Variants in FKBP6 observed in about 807,000 individuals in gnomAD.
FKBP6 encodes the protein FKBP prolyl isomerase family member 6 (inactive), also known as inactive peptidyl-prolyl cis-trans isomerase FKBP6.
FKBP6 carries 29 observed loss-of-function variants against 41.7 expected under a neutral mutation model. The observed-to-expected ratio is 0.70, with a 90% CI of 0.52 to 0.95. The LOEUF (loss-of-function observed/expected upper bound fraction) is 0.95, where lower values mean the gene tolerates loss of function less well. Among genes scored for constraint, FKBP6 ranks in the 40% least tolerant of loss-of-function variants. FKBP6 has a pLI of 0.00. For missense variants in FKBP6, 338 were observed against 408.7 expected, an observed-to-expected ratio of 0.83 and a Z score of 1.49; for synonymous variants, 130 against 165.1, an observed-to-expected ratio of 0.79 and a Z score of 1.63.
chr7:73,356,789 TC>T (rs1251622059), intron 8 of FKBP6, among the ~76,000 whole-genome samples: 20 of 152,150 alleles, frequency 1.3e-4, no homozygotes, highest in African/African-American at 4.6e-4. Context: ...CTTTTTTGTT[TC>T]CCCTCACAAG....
chr7:73,329,909 C>T, intron 3 of FKBP6: 1 of 590,874 alleles, frequency 1.7e-6, no homozygotes, highest in Admixed American at 2.8e-5. Flanking sequence ...TTAATTCTAG[C>T]TGGGAGGTTC....
chr7:73,349,872 T>C (rs758402115), intron 8 of FKBP6, among the ~76,000 whole-genome samples: 18 of 152,170 alleles, frequency 1.2e-4, no homozygotes, highest in Non-Finnish European at 2.5e-4. Flanking sequence ...TGGTTGGCCA[T>C]TGGTGATTGC....
intron 8 of FKBP6, among the ~76,000 whole-genome samples, chr7:73,351,402 G>A (rs1251786284): frequency 1.3e-5 from 2 of 151,506 alleles, no homozygotes; most frequent in Non-Finnish European, 2.9e-5. Flanking sequence ...TCTAAATGGC[G>A]TTGCATCTTC....
In FKBP6 at chr7:73,331,334, CAG is replaced by C. The variant is rs1425593978; in HGVS notation, c.469-322_469-321del. Among the ~76,000 whole-genome samples, 17 of 152,308 alleles carry C rather than the reference CAG, an allele frequency of 1.1e-4. 2 individuals are homozygous for C. Among genetic ancestry groups the C allele is most frequent in the Admixed American group, 1.1e-3 (17 of 15,290 alleles). ...GGGACACTGCTTCCTCAGAGAACAT[CAG>C]GGGAAGACTGAAGACGTAGACTTCC... On this transcript the variant is annotated intron_variant, in intron 4 of 8. Transcript: ENST00000252037.
At chr7:73,348,258 A>T (rs2115941804) in intron 8 of FKBP6, among the ~76,000 whole-genome samples, 1 of 152,076 alleles carries the variant, frequency 6.6e-6, no homozygotes, top group East Asian at 1.9e-4. Flanking sequence ...TGAATCTAAG[A>T]GCTCTTCTCA....
At chr7:73,354,137 C>T (rs1805565029) in intron 8 of FKBP6, among the ~76,000 whole-genome samples, 1 of 152,178 alleles carries the variant, frequency 6.6e-6, no homozygotes, top group Non-Finnish European at 1.5e-5. Context: ...TGAGGCCTGG[C>T]CCACCCCCAA....
At chr7:73,332,194 T>A (rs1554547819) in intron 5 of FKBP6, among the ~76,000 whole-genome samples, 3 of 152,084 alleles carry the variant, frequency 2.0e-5, no homozygotes, top group Non-Finnish European at 4.4e-5. Context: ...TTCTCCCTAC[T>A]TTCTATGAGC....
chr7:73,337,719 G>A (rs1554548782), intron 5 of FKBP6, among the ~76,000 whole-genome samples: 1 of 151,624 alleles, frequency 6.6e-6, no homozygotes, highest in Non-Finnish European at 1.5e-5. Flanking sequence ...TCTTGTTGTT[G>A]AGATATGATT....
At chr7:73,340,096 A>G (rs1290811691) in intron 5 of FKBP6, among the ~76,000 whole-genome samples, 1 of 151,908 alleles carries the variant, frequency 6.6e-6, no homozygotes. Flanking sequence ...TTCAACAACC[A>G]TTTTGTAGTT....
chr7:73,342,984 C>A, intron 8 of FKBP6, 85 bp downstream of exon 8: 2 of 942,526 alleles, frequency 2.1e-6, no homozygotes, highest in South Asian at 1.3e-5. Flanking sequence ...TGGTGGCTGT[C>A]TGCAGCTGAG....
At chr7:73,339,637 G>T (rs1805112759) in intron 5 of FKBP6, among the ~76,000 whole-genome samples, 2 of 138,874 alleles carry the variant, frequency 1.4e-5, no homozygotes, top group Admixed American at 7.3e-5. Flanking sequence ...TTTTTGAGGT[G>T]GAGTCTTGCA....
intron 8 of FKBP6, among the ~76,000 whole-genome samples, chr7:73,350,957 C>T (rs959638512): frequency 2.6e-5 from 4 of 152,208 alleles, no homozygotes; most frequent in African/African-American, 9.6e-5. Flanking sequence ...TGTTTGATCC[C>T]CTTCTTCCCA....
rs1378206961 is a variant in FKBP6 at position 73,328,209 on chromosome 7, C to T, written c.-220C>T. 7.7e-6 allele frequency: 12 copies of T among 1,548,904 alleles called. No individual in the cohort carries two copies. Among genetic ancestry groups the T allele is most frequent in the East Asian group, 4.9e-5 (2 of 40,908 alleles). Reference sequence around the variant, plus strand: ...ACGGATCATACCTCGCACCTCACCGCGTGGCCTCTGTAGTTCCAGAGCTCG... The same window carrying T: ...ACGGATCATACCTCGCACCTCACCGTGTGGCCTCTGTAGTTCCAGAGCTCG... On this transcript the variant is annotated 5_prime_UTR_variant, in exon 1 of 9. Transcript: ENST00000252037.
At chr7:73,351,579 A>C (rs1805491711) in intron 8 of FKBP6, among the ~76,000 whole-genome samples, 1 of 152,098 alleles carries the variant, frequency 6.6e-6, no homozygotes, top group Admixed American at 6.6e-5. Flanking sequence ...TTGTGTGGCT[A>C]TAAATACCTC....
chr7:73,328,286 C>T lies in FKBP6; in HGVS notation c.-143C>T, dbSNP rs1245648456. Reference sequence around the variant, plus strand: ...TGGAACGAAACGATGAGTGCCTCCTCGTGGCCCCAGAATGGAATGCCGCCG... The same window carrying T: ...TGGAACGAAACGATGAGTGCCTCCTTGTGGCCCCAGAATGGAATGCCGCCG... On this transcript the variant is annotated 5_prime_UTR_variant, in exon 1 of 9. Transcript: ENST00000252037. 3.9e-6 allele frequency: 6 copies of T among 1,549,106 alleles called. No individual in the cohort carries two copies. The Admixed American group carries it at 5.9e-5, about 15-fold the overall frequency.
At chr7:73,342,413 T>G (rs1805217894) in intron 7 of FKBP6, among the ~76,000 whole-genome samples, 2 of 152,234 alleles carry the variant, frequency 1.3e-5, no homozygotes, top group Admixed American at 1.3e-4. Context: ...TTCAAGCCTT[T>G]TAGGACTTGC....
intron 8 of FKBP6, among the ~76,000 whole-genome samples, chr7:73,353,484 C>T (rs904411334): frequency 1.3e-5 from 2 of 152,168 alleles, no homozygotes; most frequent in Non-Finnish European, 2.9e-5. Context: ...TCCTGACAGC[C>T]GTCTTTCAGA....
At chr7:73,331,894 C>T (rs781975885) in intron 5 of FKBP6, 118 bp downstream of exon 5, 54 of 1,067,482 alleles carry the variant, frequency 5.1e-5, no homozygotes, top group Non-Finnish European at 6.5e-5. Flanking sequence ...ACAAGAGTGT[C>T]GCTCTGTCGC....
chr7:73,343,976 C>G (rs1008914570), intron 8 of FKBP6, among the ~76,000 whole-genome samples: 6 of 152,214 alleles, frequency 3.9e-5, no homozygotes, highest in African/African-American at 1.4e-4. Context: ...CTGCTGCTAT[C>G]TGCACTTTCA....
Sources: gnomAD v4.1 joint callset for allele counts (sites outside exome capture counted in the v4.1 genomes callset) on GRCh38, gnomAD v4.1.1 for gene constraint, MANE v1.5 for transcripts, NCBI Gene and HGNC (gene_info 2026-07-23, HGNC 2026-07-21) for gene names.